CD200R1: variants seen among roughly 807,000 people sequenced by gnomAD.
The protein encoded by CD200R1 is CD200 receptor 1.
Under a neutral mutation model 38.1 loss-of-function variants are expected in CD200R1, and 30 were observed. That is an observed-to-expected ratio of 0.79 (90% CI 0.59 to 1.07). CD200R1 has a LOEUF of 1.07. CD200R1 is among the 50% of genes least tolerant of loss of function. The pLI, the probability that CD200R1 is intolerant of heterozygous loss-of-function variation, is 0.00. For synonymous variants in CD200R1, 128 were observed against 152.1 expected (o/e 0.84, Z 1.16); for missense variants, 372 against 415.4 (o/e 0.90, Z 0.91).
At chr3:112,925,410 G>C (rs1940259649) in intron 5 of CD200R1, among the ~76,000 whole-genome samples, 1 of 152,092 alleles carries the variant, frequency 6.6e-6, no homozygotes, top group South Asian at 2.1e-4. Flanking sequence ...TAGGGGAATA[G>C]TCAATAAATT....
chr3:112,949,446 T>C (rs1310162675), intron 1 of CD200R1, among the ~76,000 whole-genome samples: 2 of 152,246 alleles, frequency 1.3e-5, no homozygotes, highest in Non-Finnish European at 2.9e-5. Flanking sequence ...ATAACAGGAA[T>C]AGATTTTGGG....
intron 2 of CD200R1, among the ~76,000 whole-genome samples, chr3:112,939,869 C>CAAAAAAAAAA (rs199986714): frequency 8.3e-6 from 1 of 120,390 alleles, no homozygotes; most frequent in Non-Finnish European, 1.7e-5. Flanking sequence ...ACAAACAAAC[C>CAAAAAAAAAA]AAAAAAAAAA....
intron 2 of CD200R1, among the ~76,000 whole-genome samples, chr3:112,946,011 C>G (rs188022279): frequency 1.7e-5 from 2 of 117,110 alleles, no homozygotes. Context: ...CCAGCCTGGG[C>G]GACAAAGCGA....
chr3:112,935,981 T>A (rs545124996), intron 2 of CD200R1, among the ~76,000 whole-genome samples: 1 of 152,276 alleles, frequency 6.6e-6, no homozygotes, highest in African/African-American at 2.4e-5. Context: ...CTCCAGTGTG[T>A]GTTTCCACCC....
chr3:112,949,947 A>G (rs1312924835), intron 1 of CD200R1, among the ~76,000 whole-genome samples: 1 of 152,208 alleles, frequency 6.6e-6, no homozygotes, highest in Non-Finnish European at 1.5e-5. Context: ...AAAAATAAAG[A>G]TCAACCCAAA....
intron 1 of CD200R1, among the ~76,000 whole-genome samples, chr3:112,964,836 CTCA>C (rs1933116720): frequency 6.6e-6 from 1 of 152,128 alleles, no homozygotes; most frequent in Non-Finnish European, 1.5e-5. Flanking sequence ...ACATCCAAAT[CTCA>C]TCTTAAATTC....
chr3:112,975,075 A>C lies in CD200R1; in HGVS notation c.-218T>G, dbSNP rs1394453236. 2 of 554,308 alleles carry C rather than the reference A, an allele frequency of 3.6e-6. No homozygotes were observed. Among genetic ancestry groups the C allele is most frequent in the African/African-American group, 3.8e-5 (2 of 53,314 alleles). The allele number at this position is 554,308 out of a possible 1,614,324, so 34.3% of individuals were successfully genotyped here. A position where few individuals can be genotyped will look rare whatever the true frequency, so the allele number is the denominator to read the frequency against. ...TGGACGAACAGAAGCTTTTCTCTGG[A>C]ACTTGACACAGCAATAGATTTCCTG... On this transcript the variant is annotated 5_prime_UTR_variant, in exon 1 of 8. Coordinates refer to ENST00000308611, the MANE Select transcript of CD200R1 (RefSeq NM_138806.4).
At chr3:112,930,850 G>C (rs1191757632) in intron 3 of CD200R1, among the ~76,000 whole-genome samples, 1 of 152,156 alleles carries the variant, frequency 6.6e-6, no homozygotes, top group Admixed American at 6.5e-5. Context: ...CTTTAACATA[G>C]ATCTGAGAGG....
intron 2 of CD200R1, among the ~76,000 whole-genome samples, chr3:112,936,431 G>A (rs879952427): frequency 1.3e-5 from 2 of 152,176 alleles, no homozygotes; most frequent in African/African-American, 4.8e-5. Flanking sequence ...CAGTGTAAAA[G>A]TGTTCCTTTT....
At chr3:112,942,683 T>C (rs549573963) in intron 2 of CD200R1, among the ~76,000 whole-genome samples, 1 of 151,342 alleles carries the variant, frequency 6.6e-6, no homozygotes, top group South Asian at 2.1e-4. Context: ...ATTGTCAGAG[T>C]AGATCAAAAA....
At chr3:112,974,748 G>GA (rs200125143) in intron 1 of CD200R1, 43 bp downstream of exon 1, 25,718 of 1,270,308 alleles carry the variant, frequency 0.02, 400 homozygotes, top group South Asian at 0.044. Flanking sequence ...GAAGAGCTGA[G>GA]ACCAGGTTTC....
At chr3:112,963,798 C>T (rs182805181) in intron 1 of CD200R1, among the ~76,000 whole-genome samples, 194 of 152,218 alleles carry the variant, frequency 1.3e-3, no homozygotes, top group Admixed American at 3.0e-3. Context: ...ATCCCCAAGA[C>T]AAGGTGGAAA....
chr3:112,962,010 C>T (rs9883749), intron 1 of CD200R1, among the ~76,000 whole-genome samples: 1 of 151,734 alleles, frequency 6.6e-6, no homozygotes, highest in Non-Finnish European at 1.5e-5. Context: ...TTCAAAACAA[C>T]AATTCAATAA....
intron 2 of CD200R1, among the ~76,000 whole-genome samples, chr3:112,946,161 C>T (rs1940855218): frequency 6.6e-6 from 1 of 151,978 alleles, no homozygotes; most frequent in Non-Finnish European, 1.5e-5. Context: ...ATGCTCATAT[C>T]CCTTGTATAA....
intron 2 of CD200R1, among the ~76,000 whole-genome samples, chr3:112,936,572 T>C (rs1348385288): frequency 6.6e-6 from 1 of 152,238 alleles, no homozygotes; most frequent in Non-Finnish European, 1.5e-5. Context: ...GAGCTTTTTT[T>C]CATATGTTTC....
intron 2 of CD200R1, among the ~76,000 whole-genome samples, chr3:112,942,348 A>G (rs1037166456): frequency 5.3e-5 from 8 of 151,794 alleles, no homozygotes; most frequent in Non-Finnish European, 7.4e-5. Flanking sequence ...TGTTATTGCA[A>G]GGTATTCACA....
intron 5 of CD200R1, 63 bp downstream of exon 5, chr3:112,928,753 T>C: frequency 7.6e-7 from 1 of 1,318,718 alleles, no homozygotes; most frequent in Non-Finnish European, 1.0e-6. Flanking sequence ...CACATCTTTT[T>C]TTTTCTTAAC....
At chr3:112,944,670 G>A (rs1247349235) in intron 2 of CD200R1, among the ~76,000 whole-genome samples, 1 of 151,722 alleles carries the variant, frequency 6.6e-6, no homozygotes, top group Non-Finnish European at 1.5e-5. Context: ...TAAATAAAAG[G>A]GATCAAGATC....
At chr3:112,942,571 G>A (rs551569899) in intron 2 of CD200R1, among the ~76,000 whole-genome samples, 6 of 151,464 alleles carry the variant, frequency 4.0e-5, no homozygotes, top group Middle Eastern at 3.4e-3. Flanking sequence ...AAGAACAGAG[G>A]CACTAAAAGA....
Sources: gnomAD v4.1 joint callset for allele counts (sites outside exome capture counted in the v4.1 genomes callset) on GRCh38, gnomAD v4.1.1 for gene constraint, MANE v1.5 for transcripts, NCBI Gene and HGNC (gene_info 2026-07-23, HGNC 2026-07-21) for gene names.